Variants in DNAH5 observed in about 807,000 individuals in gnomAD.
The protein encoded by DNAH5 is axonemal beta dynein heavy chain 5.
Under a neutral mutation model 518.2 loss-of-function variants are expected in DNAH5, and 372 were observed. The ratio of observed to expected loss-of-function variants is 0.72; its 90% CI spans 0.66 to 0.78. The LOEUF is 0.78. Among genes scored for constraint, DNAH5 ranks in the 30% least tolerant of loss-of-function variants. The pLI is 0.00. For synonymous variants in DNAH5, 2,039 were observed against 2,025.9 expected, an observed-to-expected ratio of 1.01 and a Z score of -0.17; for missense variants, 5,523 against 5,687.0, an observed-to-expected ratio of 0.97 and a Z score of 0.93.
intron 33 of DNAH5, among the ~76,000 whole-genome samples, chr5:13,841,464 T>G (rs907034984): frequency 5.3e-5 from 8 of 152,208 alleles, no homozygotes; most frequent in African/African-American, 1.9e-4. Flanking sequence ...TTAAAGACAA[T>G]ACATCAAATA....
intron 43 of DNAH5, among the ~76,000 whole-genome samples, chr5:13,813,150 A>G (rs1036407410): frequency 6.6e-6 from 1 of 152,166 alleles, no homozygotes; most frequent in African/African-American, 2.4e-5. Context: ...TGCTTTTCCT[A>G]ACAATTTCCA....
At chr5:14,002,372 TC>T in intron 1 of DNAH5, among the ~76,000 whole-genome samples, 1 of 152,224 alleles carries the variant, frequency 6.6e-6, no homozygotes, top group African/African-American at 2.4e-5. Flanking sequence ...TATGTTTTTT[TC>T]TAAGGTTAAA....
intron 65 of DNAH5, among the ~76,000 whole-genome samples, 167 bp downstream of exon 65, chr5:13,750,911 A>G (rs1341783643): frequency 6.6e-6 from 1 of 152,220 alleles, no homozygotes; most frequent in Non-Finnish European, 1.5e-5. Flanking sequence ...TGACTGGTTA[A>G]TAATTTCCTT....
intron 65 of DNAH5, among the ~76,000 whole-genome samples, chr5:13,748,479 A>G (rs1378860376): frequency 6.6e-6 from 1 of 152,086 alleles, no homozygotes; most frequent in South Asian, 2.1e-4. Flanking sequence ...CAGTATGGCC[A>G]TTTTCACGAT....
chr5:13,817,625 C>T lies in DNAH5; in HGVS notation c.6911G>A (p.Arg2304Gln), dbSNP rs558294959. ...CCAGTCATTTGTGGCAACGTCCAGCCGACCAAACATCTGTGGGGCAGTAAT... is the reference window on the plus strand; with the variant it reads ...CCAGTCATTTGTGGCAACGTCCAGCTGACCAAACATCTGTGGGGCAGTAAT... ...KAITAPQMFGRLDVATNDWTD... is the reference protein window; with the variant it reads ...KAITAPQMFGQLDVATNDWTD... Residue 2304 changes from arginine (R) to glutamine (Q), a missense_variant, in exon 42 of 79, where the codon CGG (arginine) becomes CAG (glutamine). Transcript: ENST00000265104. The T allele has an allele frequency of 3.5e-5, 56 of 1,614,116 alleles. No individual in the cohort carries two copies. In the Admixed American group the frequency reaches 6.0e-4, roughly 17 times the overall value.
intron 67 of DNAH5, 131 bp from the exon 68 acceptor site, chr5:13,735,452 C>G: frequency 1.2e-6 from 1 of 827,876 alleles, no homozygotes. Context: ...AAGAGAAAGC[C>G]TCCTAAATCT....
intron 22 of DNAH5, among the ~76,000 whole-genome samples, chr5:13,873,858 A>G (rs1479543391): frequency 6.6e-6 from 1 of 152,156 alleles, no homozygotes; most frequent in Non-Finnish European, 1.5e-5. Flanking sequence ...CCACTGCCTT[A>G]TATTATGATT....
chr5:13,737,965 A>G (rs1441772774), intron 65 of DNAH5, among the ~76,000 whole-genome samples: 1 of 152,082 alleles, frequency 6.6e-6, no homozygotes, highest in Middle Eastern at 3.2e-3. Context: ...TGGGAAGCTG[A>G]AGCAGGAGAA....
At chr5:13,794,456 GCACTC>G (rs1441897038) in intron 47 of DNAH5, among the ~76,000 whole-genome samples, 1 of 152,182 alleles carries the variant, frequency 6.6e-6, no homozygotes, top group Non-Finnish European at 1.5e-5. Flanking sequence ...TCTGAGGTCT[GCACTC>G]CGAGCTGCAC....
At chr5:13,937,245 T>C (rs1257968006) in intron 1 of DNAH5, among the ~76,000 whole-genome samples, 1 of 149,462 alleles carries the variant, frequency 6.7e-6, no homozygotes, top group Non-Finnish European at 1.5e-5. Context: ...TTAAAAAATA[T>C]GCGCTTAACA....
intron 55 of DNAH5, among the ~76,000 whole-genome samples, chr5:13,774,171 A>C (rs1753745580): frequency 6.6e-6 from 1 of 152,140 alleles, no homozygotes; most frequent in Non-Finnish European, 1.5e-5. Flanking sequence ...AGAGTTGAAG[A>C]GATCATTAGA....
intron 38 of DNAH5, among the ~76,000 whole-genome samples, chr5:13,827,795 A>T (rs1763087333): frequency 6.6e-6 from 1 of 151,942 alleles, no homozygotes; most frequent in Non-Finnish European, 1.5e-5. Context: ...GTGGAAGGTA[A>T]TTTAATCATA....
Position 13,690,827 on chromosome 5 carries a change from C to T in DNAH5, c.*1157G>A, listed in dbSNP as rs545409637. ...AAGTCCATAGAAAGTCCCTACGCACCGTCTAATATTTCTACCCTTTTTTTA... is the reference window on the plus strand; with the variant it reads ...AAGTCCATAGAAAGTCCCTACGCACTGTCTAATATTTCTACCCTTTTTTTA... On this transcript the variant is annotated 3_prime_UTR_variant, in exon 79 of 79. Coordinates refer to ENST00000265104, the MANE Select transcript of DNAH5 (RefSeq NM_001369.3). The T allele has an allele frequency of 7.9e-5, 12 of 152,158 alleles. No homozygotes were observed. The highest frequency in any genetic ancestry group is 2.4e-4 in the African/African-American group (10 of 41,536). The allele number at this position is 152,158 out of a possible 1,614,324, so 9.4% of individuals were successfully genotyped here. A position where few individuals can be genotyped will look rare whatever the true frequency, so the allele number is the denominator to read the frequency against.
intron 14 of DNAH5, 148 bp from the exon 15 acceptor site, chr5:13,900,560 C>A: frequency 1.4e-6 from 1 of 702,262 alleles, no homozygotes. Context: ...ACTCACTCTT[C>A]TCCTAAATCC....
intron 3 of DNAH5, among the ~76,000 whole-genome samples, chr5:13,925,681 GCCTCCATAAGTCAATCA>G (rs1375091730): frequency 6.6e-6 from 1 of 152,112 alleles, no homozygotes; most frequent in Non-Finnish European, 1.5e-5. Flanking sequence ...GGAAAGACCC[GCCTCCATAAGTCAATCA>G]CCTCCCACCA....
intron 21 of DNAH5, among the ~76,000 whole-genome samples, chr5:13,879,121 C>A (rs1771291782): frequency 6.6e-6 from 1 of 152,150 alleles, no homozygotes; most frequent in South Asian, 2.1e-4. Context: ...GTCAGTCTGA[C>A]AAGACTGAAA....
chr5:13,922,621 G>A (rs1777436723), intron 4 of DNAH5, among the ~76,000 whole-genome samples: 2 of 151,622 alleles, frequency 1.3e-5, no homozygotes, highest in African/African-American at 4.9e-5. Flanking sequence ...CAGCTACTCA[G>A]GAGGCTGAGG....
rs1783541705 is a variant in DNAH5 at position 13,991,530 on chromosome 5, AG to A, written c.12+20117del. 5.3e-5 allele frequency among the ~76,000 whole-genome samples: 3 copies of A among 56,262 alleles called. No individual in the cohort carries two copies. In the South Asian group the frequency reaches 1.9e-3, roughly 36 times the overall value. 36.9% of individuals were successfully genotyped at this position (56,262 alleles called of 152,430 possible). A position where few individuals can be genotyped will look rare whatever the true frequency, so the allele number is the denominator to read the frequency against. ...GGAGAAGGAGGAAGAGGAGGGGAGG[AG>A]GGGAGGGGAGGGGGAGGAGGAAGAG... is the stretch of plus-strand genomic sequence containing the variant. On this transcript the variant is annotated intron_variant, in intron 1 of 78. Coordinates refer to the DNAH5 transcript ENST00000681290.
intron 42 of DNAH5, among the ~76,000 whole-genome samples, chr5:13,815,922 G>C (rs527332262): frequency 1.3e-5 from 2 of 152,322 alleles, no homozygotes; most frequent in East Asian, 3.9e-4. Flanking sequence ...GGAGAGAGAA[G>C]AGGGCTGAAG....
Sources: allele counts gnomAD v4.1 joint callset (sites outside exome capture counted in the v4.1 genomes callset), GRCh38; gene constraint gnomAD v4.1.1; transcripts MANE v1.5; gene names NCBI Gene and HGNC (gene_info 2026-07-23, HGNC 2026-07-21).